The following SAE1 variants were observed in gnomAD, a reference collection of about 807,000 sequenced individuals.
SAE1 encodes the protein SUMO-activating enzyme subunit 1.
SAE1 carries 11 observed loss-of-function variants against 40.6 expected under a neutral mutation model. That is an observed-to-expected ratio of 0.27 (90% CI 0.17 to 0.45). The LOEUF is 0.45. Ranked by LOEUF, SAE1 falls within the 20% of genes least tolerant of loss-of-function variation. SAE1 has a pLI of 1.00. For synonymous variants in SAE1, 155 were observed against 154.3 expected, an observed-to-expected ratio of 1.00 and a Z score of -0.03; for missense variants, 373 against 427.3, an observed-to-expected ratio of 0.87 and a Z score of 1.12.
chr19:47,136,641 G>A lies in SAE1; in HGVS notation c.98+5613G>A, dbSNP rs770376716. 1.0e-3 allele frequency among the ~76,000 whole-genome samples: 157 copies of A among 151,688 alleles called. 1 individual carries two copies. The highest frequency in any genetic ancestry group is 2.5e-4 in the Non-Finnish European group (17 of 67,926). On this transcript the variant is annotated intron_variant, in intron 1 of 8. Transcript: ENST00000270225. ...CTCCCAAGTAGCTGGGATTACAGGC[G>A]TGTGCCACCATGCCCGGCTAATTTT...
chr19:47,151,617 A>G (rs1181217720), intron 3 of SAE1, among the ~76,000 whole-genome samples: 3 of 152,006 alleles, frequency 2.0e-5, no homozygotes, highest in Admixed American at 2.0e-4. Context: ...TTTCTATTTC[A>G]TATGTGCATC....
intron 1 of SAE1, among the ~76,000 whole-genome samples, chr19:47,132,195 T>C (rs1449068037): frequency 6.6e-6 from 1 of 151,648 alleles, no homozygotes; most frequent in Non-Finnish European, 1.5e-5. Context: ...ACTCCGGACC[T>C]CAAGTGATCT....
chr19:47,206,071 G>A (rs1375895190), intron 8 of SAE1, among the ~76,000 whole-genome samples: 1 of 152,186 alleles, frequency 6.6e-6, no homozygotes, highest in East Asian at 1.9e-4. Flanking sequence ...TGGAGGTTGG[G>A]GCAGGTAGCC....
chr19:47,179,049 G>A (rs908089498), intron 6 of SAE1, among the ~76,000 whole-genome samples: 2 of 151,628 alleles, frequency 1.3e-5, no homozygotes, highest in East Asian at 1.9e-4. Flanking sequence ...AAAATTAGCC[G>A]GGCGTGGTGG....
At chr19:47,186,031 G>A (rs1210177064) in intron 6 of SAE1, among the ~76,000 whole-genome samples, 1 of 151,670 alleles carries the variant, frequency 6.6e-6, no homozygotes, top group Non-Finnish European at 1.5e-5. Context: ...CCTGAGGTCA[G>A]GAGTTCAAGA....
intron 1 of SAE1, among the ~76,000 whole-genome samples, chr19:47,140,997 C>T (rs1348726130): frequency 1.3e-5 from 2 of 151,762 alleles, no homozygotes; most frequent in East Asian, 1.9e-4. Flanking sequence ...TACAGGTGCC[C>T]GCCACCAACA....
At chr19:47,171,231 C>T (rs530752664) in intron 6 of SAE1, among the ~76,000 whole-genome samples, 1 of 152,060 alleles carries the variant, frequency 6.6e-6, no homozygotes, top group Non-Finnish European at 1.5e-5. Flanking sequence ...CCTCAGCCCC[C>T]CAAAGTGCTG....
intron 5 of SAE1, among the ~76,000 whole-genome samples, chr19:47,157,290 T>A (rs2058330431): frequency 6.6e-6 from 1 of 152,174 alleles, no homozygotes; most frequent in Non-Finnish European, 1.5e-5. Context: ...TGCCTTTCTT[T>A]CTTTTTGAGG....
intron 6 of SAE1, among the ~76,000 whole-genome samples, chr19:47,185,816 G>C (rs932637227): frequency 1.3e-5 from 2 of 151,042 alleles, no homozygotes; most frequent in Non-Finnish European, 3.0e-5. Context: ...TGGCCAGCCT[G>C]ATCTTGAACT....
At chr19:47,197,197 T>C in intron 6 of SAE1, 36 bp from the exon 7 acceptor site, 2 of 1,493,270 alleles carry the variant, frequency 1.3e-6, no homozygotes, top group South Asian at 1.4e-5. Context: ...AAAAAAAAAG[T>C]GGCTTTATAA....
intron 6 of SAE1, among the ~76,000 whole-genome samples, chr19:47,196,798 C>T (rs567734543): frequency 1.1e-4 from 17 of 152,154 alleles, no homozygotes; most frequent in African/African-American, 2.7e-4. Flanking sequence ...GGGTGTCAGA[C>T]GCCCTATTAT....
chr19:47,152,718 A>G (rs1205924272), intron 3 of SAE1, among the ~76,000 whole-genome samples, 180 bp from the exon 4 acceptor site: 3 of 152,186 alleles, frequency 2.0e-5, no homozygotes, highest in Non-Finnish European at 4.4e-5. Flanking sequence ...TTTTCTACAC[A>G]TTGAAACCTG....
intron 6 of SAE1, among the ~76,000 whole-genome samples, chr19:47,186,633 A>C (rs1403874076): frequency 6.6e-6 from 1 of 152,146 alleles, no homozygotes; most frequent in Admixed American, 6.6e-5. Context: ...GAGAAAGTGC[A>C]TGCTCCTTTT....
At chr19:47,132,489 C>G (rs553432824) in intron 1 of SAE1, among the ~76,000 whole-genome samples, 2 of 150,394 alleles carry the variant, frequency 1.3e-5, no homozygotes, top group East Asian at 3.9e-4. Context: ...AACTCCCAAG[C>G]TCAAGCGATC....
rs1386630344 is a variant in SAE1 at position 47,140,993 on chromosome 19, T to G, written c.99-2501T>G. Reference sequence around the variant, plus strand: ...CCTCCCAAATAGCTAGGATTACAGGTGCCCGCCACCAACATGCCCAGCTAA... The same window carrying G: ...CCTCCCAAATAGCTAGGATTACAGGGGCCCGCCACCAACATGCCCAGCTAA... On this transcript the variant is annotated intron_variant, in intron 1 of 8. Coordinates refer to ENST00000270225, the MANE Select transcript of SAE1 (RefSeq NM_005500.3). 1.2e-4 allele frequency among the ~76,000 whole-genome samples: 18 copies of G among 151,658 alleles called. No individual in the cohort carries two copies. The East Asian group carries it at 3.5e-3, about 29-fold the overall frequency.
Position 47,167,533 on chromosome 19 carries a change from C to T in SAE1, c.628-2285C>T, listed in dbSNP as rs144025676. On this transcript the variant is annotated intron_variant, in intron 5 of 8. Transcript: ENST00000270225. The stretch of plus-strand genomic sequence containing the variant: ...GGGATTACAGGTGTGAGCCACTGCG[C>T]CCAGCCAACAATTTGAACTTTTATC... Among the ~76,000 whole-genome samples the T allele has an allele frequency of 2.2e-3, 336 of 152,302 alleles. 3 individuals are homozygous for T. Among genetic ancestry groups the T allele is most frequent in the African/African-American group, 7.5e-3 (313 of 41,564 alleles).
At chr19:47,145,050 T>C (rs959855622) in intron 2 of SAE1, among the ~76,000 whole-genome samples, 37 of 152,088 alleles carry the variant, frequency 2.4e-4, no homozygotes, top group African/African-American at 8.9e-4. Context: ...TTGCCCAGGC[T>C]GGAGTGCAAT....
Position 47,154,914 on chromosome 19 carries a change from C to T in SAE1, c.528-200C>T, listed in dbSNP as rs193268599. Among the ~76,000 whole-genome samples the T allele has an allele frequency of 2.3e-3, 355 of 152,220 alleles. 2 individuals carry two copies. Among genetic ancestry groups the T allele is most frequent in the African/African-American group, 8.2e-3 (341 of 41,536 alleles). On this transcript the variant is annotated intron_variant, in intron 4 of 8. Coordinates refer to ENST00000270225, the MANE Select transcript of SAE1 (RefSeq NM_005500.3). Reference sequence around the variant, plus strand: ...AGCAACTTACGCTGCTCTGTTTTTCCCACAATAATTTCCTGAGTGCCCAAC... The same window carrying T: ...AGCAACTTACGCTGCTCTGTTTTTCTCACAATAATTTCCTGAGTGCCCAAC...
chr19:47,135,910 TCTC>T (rs1188112246), intron 1 of SAE1, among the ~76,000 whole-genome samples: 1 of 151,558 alleles, frequency 6.6e-6, no homozygotes, highest in Non-Finnish European at 1.5e-5. Flanking sequence ...TTCACGCCAT[TCTC>T]CTGCCTCAGC....
Sources: allele counts gnomAD v4.1 joint callset (sites outside exome capture counted in the v4.1 genomes callset), GRCh38; gene constraint gnomAD v4.1.1; transcripts MANE v1.5; gene names NCBI Gene and HGNC (gene_info 2026-07-23, HGNC 2026-07-21).